The following PEAK1 variants were observed in gnomAD, a reference collection of about 807,000 sequenced individuals.
The protein encoded by PEAK1 is pseudopodium enriched atypical kinase 1.
Under a neutral mutation model 124.7 loss-of-function variants are expected in PEAK1, and 54 were observed. That is an observed-to-expected ratio of 0.43 (90% CI 0.35 to 0.54). The LOEUF (loss-of-function observed/expected upper bound fraction) is 0.54. Among genes scored for constraint, PEAK1 ranks in the 20% least tolerant of loss-of-function variants. PEAK1 has a pLI of 0.01. For missense variants in PEAK1, 2,046 were observed against 2,134.5 expected (o/e 0.96, Z 0.82); for synonymous variants, 719 against 760.0 (o/e 0.95, Z 0.89).
chr15:77,232,010 G>A (rs905252580), intron 6 of PEAK1, among the ~76,000 whole-genome samples: 6 of 152,166 alleles, frequency 3.9e-5, no homozygotes, highest in Admixed American at 6.5e-5. Context: ...AAGCAATTGT[G>A]AAGGTTTCTT....
At chr15:77,343,158 A>G (rs2066647594) in intron 2 of PEAK1, among the ~76,000 whole-genome samples, 2 of 152,312 alleles carry the variant, frequency 1.3e-5, no homozygotes, top group African/African-American at 2.4e-5. Flanking sequence ...TCCTTTTTCA[A>G]TAACAGCTAT....
At chr15:77,309,800 T>C (rs2064326284) in intron 2 of PEAK1, among the ~76,000 whole-genome samples, 1 of 152,186 alleles carries the variant, frequency 6.6e-6, no homozygotes, top group South Asian at 2.1e-4. Flanking sequence ...TACAATCACC[T>C]TTATTATTTA....
At chr15:77,394,156 T>C (rs2070713700) in intron 1 of PEAK1, among the ~76,000 whole-genome samples, 1 of 152,196 alleles carries the variant, frequency 6.6e-6, no homozygotes, top group African/African-American at 2.4e-5. Flanking sequence ...CTCCAGGCCC[T>C]GGCTCCTGGA....
At chr15:77,187,405 G>C (rs1014554045) in intron 6 of PEAK1, among the ~76,000 whole-genome samples, 5 of 151,534 alleles carry the variant, frequency 3.3e-5, no homozygotes, top group African/African-American at 1.2e-4. Flanking sequence ...ACAGTTTCAG[G>C]CAGATTTGAT....
intron 5 of PEAK1, among the ~76,000 whole-genome samples, chr15:77,270,110 G>C (rs568598728): frequency 6.6e-6 from 1 of 152,154 alleles, no homozygotes; most frequent in South Asian, 2.1e-4. Flanking sequence ...AATAAATTAG[G>C]TATTGATGGG....
chr15:77,243,497 A>G (rs1353934104), intron 6 of PEAK1, among the ~76,000 whole-genome samples: 1 of 152,198 alleles, frequency 6.6e-6, no homozygotes, highest in Non-Finnish European at 1.5e-5. Flanking sequence ...GATTTTCTTA[A>G]TCAGTAGGAT....
At chr15:77,369,336 G>C (rs1478307731) in intron 1 of PEAK1, among the ~76,000 whole-genome samples, 3 of 152,192 alleles carry the variant, frequency 2.0e-5, no homozygotes, top group Non-Finnish European at 2.9e-5. Context: ...TTCTTGTTAA[G>C]TATTAGCTTC....
Position 77,180,373 on chromosome 15 carries a change from T to G in PEAK1, c.1554A>C (p.Gln518His). The part of the protein sequence containing the change: ...PVTSSSLTPG[Q>H]ISAHFQKSSA... The stretch of plus-strand genomic sequence containing the variant: ...TGGATTTTTGGAAATGGGCACTTAT[T>G]TGTCCTGGTGTCAATGAAGATGATG... The change falls in exon 7 of 10, where the codon CAA becomes CAC. Residue 518 changes from glutamine to histidine, a missense_variant. Coordinates refer to ENST00000682557, the MANE Select transcript of PEAK1 (RefSeq NM_001385026.1). 2 of 1,614,154 alleles carry G rather than the reference T, an allele frequency of 1.2e-6. No homozygotes were observed. Among genetic ancestry groups the G allele is most frequent in the Non-Finnish European group, 1.7e-6 (2 of 1,180,028 alleles).
intron 1 of PEAK1, among the ~76,000 whole-genome samples, chr15:77,379,832 T>G (rs2069330087): frequency 6.6e-6 from 1 of 152,180 alleles, no homozygotes; most frequent in South Asian, 2.1e-4. Context: ...AGAATGGGAC[T>G]TATTTCAACC....
intron 5 of PEAK1, chr15:77,278,430 A>G (rs2062457120): frequency 7.4e-6 from 3 of 408,056 alleles, no homozygotes; most frequent in Middle Eastern, 4.1e-4. Context: ...CAAAGCCCAC[A>G]TAACGCACCT....
chr15:77,122,123 T>C lies in PEAK1; in HGVS notation c.4078-6804A>G, dbSNP rs12324539. 7.3e-3 allele frequency among the ~76,000 whole-genome samples: 1,116 copies of C among 152,254 alleles called. 15 individuals are homozygous for C. The highest frequency in any genetic ancestry group is 0.026 in the African/African-American group (1,074 of 41,538). On this transcript the variant is annotated intron_variant, in intron 9 of 9. Transcript: ENST00000682557. ...AATGCTGTTACAACTATATTCAAAATAGATTAAGTGTTTAATATATAAAAC... is the reference window on the plus strand; with the variant it reads ...AATGCTGTTACAACTATATTCAAAACAGATTAAGTGTTTAATATATAAAAC...
At chr15:77,285,313 C>T (rs1478090716) in intron 3 of PEAK1, among the ~76,000 whole-genome samples, 2 of 152,126 alleles carry the variant, frequency 1.3e-5, no homozygotes, top group East Asian at 1.9e-4. Context: ...TGCTTATAAA[C>T]GTTAGTTCCC....
At chr15:77,265,663 GTAAAC>G (rs2061684395) in intron 5 of PEAK1, among the ~76,000 whole-genome samples, 1 of 152,004 alleles carries the variant, frequency 6.6e-6, no homozygotes, top group Non-Finnish European at 1.5e-5. Flanking sequence ...TGGTGGGACT[GTAAAC>G]TAGTTCAACC....
At chr15:77,325,220 A>G (rs2065490908) in intron 2 of PEAK1, among the ~76,000 whole-genome samples, 1 of 152,150 alleles carries the variant, frequency 6.6e-6, no homozygotes, top group African/African-American at 2.4e-5. Flanking sequence ...GTTTGGGACC[A>G]GCTTGGGCAA....
chr15:77,181,484 C>T lies in PEAK1; in HGVS notation c.443G>A (p.Gly148Glu). The change falls in exon 7 of 10, where the codon GGA becomes GAA. Residue 148 changes from glycine (G) to glutamate (E), a missense_variant. By Grantham distance (98) the Gly-to-Glu change is moderately conservative (BLOSUM62 -2). Transcript: ENST00000682557. Reference protein sequence around the residue: ...SAKKMSDNNNGLTEVLKEIAG... With the variant: ...SAKKMSDNNNELTEVLKEIAG... ...TATCTCCTTTAACACTTCAGTTAGT[C>T]CATTATTGTTATCTGACATCTTCTT... 2 of 1,614,084 alleles carry T rather than the reference C, an allele frequency of 1.2e-6. No individual in the cohort carries two copies. Among genetic ancestry groups the T allele is most frequent in the Middle Eastern group, 1.7e-4 (1 of 6,060 alleles).
chr15:77,325,005 T>C (rs2065476862), intron 2 of PEAK1, among the ~76,000 whole-genome samples: 1 of 152,176 alleles, frequency 6.6e-6, no homozygotes, highest in Non-Finnish European at 1.5e-5. Context: ...ATACAGTAAT[T>C]TGAAGCAAAC....
At position 77,320,163 on chromosome 15, in the gene PEAK1, C is replaced by T. The variant is rs76615777; in HGVS notation, c.-602-33659G>A. Among the ~76,000 whole-genome samples, 1,111 of 152,256 alleles carry T rather than the reference C, an allele frequency of 7.3e-3. 15 individuals carry two copies. The highest frequency in any genetic ancestry group is 0.025 in the African/African-American group (1,056 of 41,534). On this transcript the variant is annotated intron_variant, in intron 2 of 9. Transcript: ENST00000682557. ...ATTTTTGGCCTGGTGACCTTAGTTT[C>T]TCTTTATTGCCCAGTGTCCCTGTTA... is the stretch of plus-strand genomic sequence containing the variant.
At chr15:77,146,349 C>T (rs1280374466) in intron 8 of PEAK1, among the ~76,000 whole-genome samples, 2 of 152,226 alleles carry the variant, frequency 1.3e-5, no homozygotes, top group African/African-American at 4.8e-5. Context: ...ATAAAACGAA[C>T]CTGATTTCCA....
intron 6 of PEAK1, among the ~76,000 whole-genome samples, chr15:77,232,958 G>T (rs1249176515): frequency 6.6e-6 from 1 of 152,052 alleles, no homozygotes; most frequent in Non-Finnish European, 1.5e-5. Context: ...TGTTGGCCAG[G>T]CTGGTCTCGG....
Sources: allele counts gnomAD v4.1 joint callset (sites outside exome capture counted in the v4.1 genomes callset), GRCh38; gene constraint gnomAD v4.1.1; transcripts MANE v1.5; gene names NCBI Gene and HGNC (gene_info 2026-07-23, HGNC 2026-07-21).